EPHB2: variants seen among roughly 807,000 people sequenced by gnomAD.
EPHB2 encodes the protein ephrin type-B receptor 2.
Under a neutral mutation model 96.4 loss-of-function variants are expected in EPHB2, and 18 were observed. The observed-to-expected ratio is 0.19, with a 90% CI of 0.13 to 0.28. EPHB2 has a LOEUF of 0.28. EPHB2 is among the 10% of genes least tolerant of loss of function. The probability of loss-of-function intolerance (pLI) is 1.00; values close to 1 mark genes in which losing one functional copy is unlikely to be tolerated. For synonymous variants in EPHB2, 506 were observed against 534.1 expected, an observed-to-expected ratio of 0.95 and a Z score of 0.72; for missense variants, 989 against 1,355.4, an observed-to-expected ratio of 0.73 and a Z score of 4.25.
chr1:22,886,198 T>G (rs547428772), intron 6 of EPHB2, among the ~76,000 whole-genome samples: 1 of 151,962 alleles, frequency 6.6e-6, no homozygotes, highest in African/African-American at 2.4e-5. Context: ...ATGCTAGGAG[T>G]TCACCAAACG....
intron 3 of EPHB2, among the ~76,000 whole-genome samples, chr1:22,787,897 G>C (rs1644635076): frequency 6.6e-6 from 1 of 152,154 alleles, no homozygotes; most frequent in African/African-American, 2.4e-5. Flanking sequence ...ACCAGGGAGG[G>C]GTCTGCTTTT....
intron 3 of EPHB2, among the ~76,000 whole-genome samples, chr1:22,810,418 C>T (rs1380297437): frequency 6.6e-6 from 1 of 152,198 alleles, no homozygotes; most frequent in African/African-American, 2.4e-5. Context: ...CCAGGAGCTT[C>T]ACATCCACCT....
chr1:22,902,807 G>T (rs1327359619), intron 9 of EPHB2, among the ~76,000 whole-genome samples: 1 of 152,186 alleles, frequency 6.6e-6, no homozygotes, highest in East Asian at 1.9e-4. Context: ...AAGCCACACA[G>T]ACATCAAGAT....
chr1:22,811,370 C>T (rs1269769729), intron 3 of EPHB2, among the ~76,000 whole-genome samples: 1 of 152,182 alleles, frequency 6.6e-6, no homozygotes, highest in South Asian at 2.1e-4. Flanking sequence ...AGCAAGACAG[C>T]GCCCACTCCA....
At chr1:22,855,157 G>A (rs1051662645) in intron 3 of EPHB2, among the ~76,000 whole-genome samples, 8 of 152,180 alleles carry the variant, frequency 5.3e-5, no homozygotes, top group African/African-American at 9.7e-5. Flanking sequence ...GTATCAATCC[G>A]TTCAAATCCA....
At chr1:22,827,333 C>T (rs1268782371) in intron 3 of EPHB2, among the ~76,000 whole-genome samples, 2 of 152,242 alleles carry the variant, frequency 1.3e-5, no homozygotes, top group African/African-American at 2.4e-5. Flanking sequence ...GGATTGCTCC[C>T]ATCTGTGTGT....
rs577912324 is a variant in EPHB2 at position 22,815,426 on chromosome 1, G to T, written c.811+30350G>T. The stretch of plus-strand genomic sequence containing the variant: ...CCACCCATCAAGGTAGAGGCCAGAG[G>T]AAGCCTGGCTGGACCCTGGCTCCGA... On this transcript the variant is annotated intron_variant, in intron 3 of 15. Transcript: ENST00000374630. Among the ~76,000 whole-genome samples, 41 of 152,364 alleles carry T rather than the reference G, an allele frequency of 2.7e-4. No homozygotes were observed. In the South Asian group the frequency reaches 6.4e-3, roughly 24 times the overall value.
chr1:22,850,441 G>T (rs1289494890), intron 3 of EPHB2, among the ~76,000 whole-genome samples: 4 of 152,232 alleles, frequency 2.6e-5, no homozygotes, highest in Non-Finnish European at 5.9e-5. Context: ...GACTGGGCCT[G>T]CCAGGCCTTA....
intron 1 of EPHB2, among the ~76,000 whole-genome samples, chr1:22,755,483 C>T (rs1395291684): frequency 2.6e-5 from 4 of 152,214 alleles, no homozygotes; most frequent in Non-Finnish European, 5.9e-5. Flanking sequence ...GCCTACCTGC[C>T]TCCTCCCTGC....
chr1:22,909,363 C>T (rs142639015), intron 13 of EPHB2, among the ~76,000 whole-genome samples, 192 bp downstream of exon 13: 1 of 152,304 alleles, frequency 6.6e-6, no homozygotes, highest in African/African-American at 2.4e-5. Flanking sequence ...CTGGACTCTC[C>T]AGGGGGTAGG....
At chr1:22,752,355 G>A (rs1272001809) in intron 1 of EPHB2, among the ~76,000 whole-genome samples, 2 of 152,070 alleles carry the variant, frequency 1.3e-5, no homozygotes, top group Admixed American at 6.5e-5. Flanking sequence ...AAATTAGCTG[G>A]GCATGGTGGT....
At chr1:22,711,244 G>A (rs1253998507) in intron 1 of EPHB2, among the ~76,000 whole-genome samples, 3 of 147,296 alleles carry the variant, frequency 2.0e-5, no homozygotes, top group Non-Finnish European at 4.5e-5. Context: ...GGCGCTGATT[G>A]ACTGTGCCAG....
At chr1:22,911,143 A>AAAAAAAAT (rs368231548) in intron 14 of EPHB2, among the ~76,000 whole-genome samples, 203 of 133,814 alleles carry the variant, frequency 1.5e-3, no homozygotes, top group African/African-American at 4.8e-3. Context: ...TCCATCTAAA[A>AAAAAAAAT]AAATAAATAA....
intron 1 of EPHB2, among the ~76,000 whole-genome samples, chr1:22,764,839 G>A (rs1644284964): frequency 1.3e-5 from 2 of 152,188 alleles, no homozygotes; most frequent in African/African-American, 4.8e-5. Flanking sequence ...CCTAACACCT[G>A]GGTTCTGCTG....
chr1:22,859,298 G>A (rs866518470), intron 3 of EPHB2, among the ~76,000 whole-genome samples: 6 of 104,994 alleles, frequency 5.7e-5, no homozygotes, highest in Admixed American at 4.2e-4. Flanking sequence ...TGGGCCTGGT[G>A]GGGGGGGGGG....
chr1:22,824,945 T>C (rs1225466778), intron 3 of EPHB2, among the ~76,000 whole-genome samples: 3 of 152,182 alleles, frequency 2.0e-5, no homozygotes, highest in African/African-American at 7.2e-5. Context: ...AGAGCCTGGC[T>C]CCTCTGCAGC....
chr1:22,775,908 G>C (rs1644444786), intron 1 of EPHB2, among the ~76,000 whole-genome samples: 1 of 152,216 alleles, frequency 6.6e-6, no homozygotes, highest in African/African-American at 2.4e-5. Context: ...TGGGCACTAA[G>C]AGCAGCCAAG....
intron 3 of EPHB2, among the ~76,000 whole-genome samples, chr1:22,820,671 C>CA (rs34161880): frequency 2.0e-5 from 3 of 150,490 alleles, no homozygotes; most frequent in Non-Finnish European, 4.4e-5. Context: ...GAGCTTGTCT[C>CA]AAAAAAAAGA....
chr1:22,782,690 T>G (rs1037849647), intron 2 of EPHB2, among the ~76,000 whole-genome samples: 5 of 151,954 alleles, frequency 3.3e-5, no homozygotes, highest in Non-Finnish European at 5.9e-5. Context: ...AAAGGCAGAG[T>G]GCTCTAATTA....
Sources: gnomAD v4.1 joint callset for allele counts (sites outside exome capture counted in the v4.1 genomes callset) on GRCh38, gnomAD v4.1.1 for gene constraint, MANE v1.5 for transcripts, NCBI Gene and HGNC (gene_info 2026-07-23, HGNC 2026-07-21) for gene names.